Variants in NUP62CL observed in about 807,000 individuals in gnomAD.
NUP62CL encodes nucleoporin 62 C-terminal like.
A neutral mutation model predicts 15.3 loss-of-function variants in NUP62CL; 13 were observed. The ratio of observed to expected loss-of-function variants is 0.85; its 90% confidence interval spans 0.55 to 1.35. The LOEUF (loss-of-function observed/expected upper bound fraction) is 1.35. Ranked by LOEUF, NUP62CL falls within the 40% of genes most tolerant of loss-of-function variation. NUP62CL has a pLI of 0.00. For missense variants in NUP62CL, 123 were observed against 130.6 expected, an observed-to-expected ratio of 0.94 and a Z score of 0.28; for synonymous variants, 54 against 49.2, an observed-to-expected ratio of 1.10 and a Z score of -0.41.
intron 1 of NUP62CL, among the ~76,000 whole-genome samples, chrX:107,196,072 A>AT (rs74502030): frequency 3.4e-4 from 38 of 110,983 alleles, no homozygotes; most frequent in East Asian, 1.1e-3. Flanking sequence ...CAAAAGGTGG[A>AT]TTTTTTTTCC....
chrX:107,133,721 C>T (rs1236900083), intron 8 of NUP62CL, among the ~76,000 whole-genome samples: 5 of 112,166 alleles, frequency 4.5e-5, no homozygotes, highest in Admixed American at 9.3e-5. Context: ...GGGTGGATCA[C>T]GAGGTCAGGA....
chrX:107,192,650 G>A (rs372955310), intron 2 of NUP62CL, among the ~76,000 whole-genome samples: 1 of 111,829 alleles, frequency 8.9e-6, no homozygotes, highest in Admixed American at 9.4e-5. Flanking sequence ...CAAAGTGCTG[G>A]GATTACAAGC....
At chrX:107,196,690 T>C (rs1365995070) in intron 1 of NUP62CL, among the ~76,000 whole-genome samples, 1 of 111,972 alleles carries the variant, frequency 8.9e-6, no homozygotes, top group Non-Finnish European at 1.9e-5. Context: ...CCTCAGGTGA[T>C]CCACCCGCCT....
At chrX:107,201,368 T>C (rs1927480689) in intron 1 of NUP62CL, among the ~76,000 whole-genome samples, 1 of 110,773 alleles carries the variant, frequency 9.0e-6, no homozygotes, top group Non-Finnish European at 1.9e-5. Context: ...TCCTCCCTCC[T>C]CCAGCCCCTG....
chrX:107,199,514 A>G (rs1039057608), intron 1 of NUP62CL, among the ~76,000 whole-genome samples: 2 of 112,331 alleles, frequency 1.8e-5, no homozygotes, highest in African/African-American at 6.5e-5. Flanking sequence ...TCAAGAGGTG[A>G]CCAGCACAGA....
intron 8 of NUP62CL, among the ~76,000 whole-genome samples, chrX:107,142,562 T>C (rs1297816427): frequency 1.8e-5 from 2 of 112,120 alleles, no homozygotes; most frequent in Non-Finnish European, 3.8e-5. Flanking sequence ...CAGTGAACTT[T>C]CAAATAATTA....
intron 5 of NUP62CL, 146 bp from the exon 6 acceptor site, chrX:107,153,649 G>A: frequency 4.8e-6 from 2 of 418,778 alleles, no homozygotes; most frequent in Non-Finnish European, 8.1e-6. Context: ...TATACTTTGA[G>A]CTGCTCACCA....
intron 8 of NUP62CL, among the ~76,000 whole-genome samples, chrX:107,133,671 T>C (rs1925572416): frequency 8.9e-6 from 1 of 112,778 alleles, no homozygotes; most frequent in African/African-American, 3.2e-5. Context: ...CCGGGCGCAG[T>C]GGCTCACGCC....
rs1365856726 is a variant in NUP62CL, at chrX:107,156,472, C to T, written c.195-2226G>A. Among the ~76,000 whole-genome samples the T allele has an allele frequency of 5.6e-5, 6 of 106,673 alleles. No homozygotes were observed. In the Admixed American group the frequency reaches 6.0e-4, roughly 11 times the overall value. The allele number at this position is 106,673 out of a possible 115,157, so 92.6% of individuals were successfully genotyped here. On this transcript the variant is annotated intron_variant, in intron 4 of 8. Coordinates refer to ENST00000372466, the MANE Select transcript of NUP62CL (RefSeq NM_017681.3). ...TGCCTCCTCAAGTGGGTCCCTGACC[C>T]CTGATCCCCGAGCAGCCTAACTGGG... is the stretch of plus-strand genomic sequence containing the variant.
At chrX:107,173,072 A>G (rs1926688017) in intron 3 of NUP62CL, among the ~76,000 whole-genome samples, 2 of 112,213 alleles carry the variant, frequency 1.8e-5, no homozygotes, top group African/African-American at 3.2e-5. Flanking sequence ...TCCCAAGGTT[A>G]TAATATCAAG....
chrX:107,158,208 TAG>T (rs1432878161), intron 4 of NUP62CL, among the ~76,000 whole-genome samples: 1 of 62,674 alleles, frequency 1.6e-5, no homozygotes, highest in Non-Finnish European at 2.7e-5. Context: ...CTGTCAACAT[TAG>T]ACAGATCAAC....
chrX:107,177,054 G>C (rs1926803904), intron 2 of NUP62CL, among the ~76,000 whole-genome samples: 1 of 111,169 alleles, frequency 9.0e-6, no homozygotes, highest in African/African-American at 3.3e-5. Context: ...ACATGATCAC[G>C]AATACAGAAA....
chrX:107,173,176 G>C (rs1482099279), intron 3 of NUP62CL, among the ~76,000 whole-genome samples: 1 of 112,101 alleles, frequency 8.9e-6, no homozygotes, highest in East Asian at 2.8e-4. Flanking sequence ...AATTTATATA[G>C]TCTTTTTCAT....
At position 107,123,540 on chromosome X, in the gene NUP62CL, C is replaced by G. The variant is rs1168331043; in HGVS notation, c.*835G>C. 9.1e-6 allele frequency: 1 copy of G among 109,348 alleles called. No individual in the cohort carries two copies. The highest frequency in any genetic ancestry group is 1.9e-5 in the Non-Finnish European group (1 of 52,560). 9.0% of individuals were successfully genotyped at this position (109,348 alleles called of 1,213,427 possible). On this transcript the variant is annotated 3_prime_UTR_variant, in exon 9 of 9. Coordinates refer to ENST00000372466, the MANE Select transcript of NUP62CL (RefSeq NM_017681.3). ...ATGAAACACAGGAGACCAGACTGTT[C>G]CAAACCTAAGAACAAGGCTTATTTA...
chrX:107,176,691 T>C (rs1174456131), intron 2 of NUP62CL, among the ~76,000 whole-genome samples: 1 of 110,867 alleles, frequency 9.0e-6, no homozygotes, highest in Non-Finnish European at 1.9e-5. Context: ...ATGTGAATTA[T>C]ACCTCAATTA....
intron 3 of NUP62CL, among the ~76,000 whole-genome samples, chrX:107,173,899 A>T (rs1217531529): frequency 9.0e-6 from 1 of 111,133 alleles, no homozygotes; most frequent in Non-Finnish European, 1.9e-5. Context: ...TACAGCTAGG[A>T]TTACAACAAA....
At chrX:107,176,513 G>A (rs866187426) in intron 2 of NUP62CL, among the ~76,000 whole-genome samples, 40 of 109,056 alleles carry the variant, frequency 3.7e-4, no homozygotes, top group African/African-American at 1.2e-3. Flanking sequence ...ATTCCCAGGG[G>A]CTGGGAGGAA....
At chrX:107,152,151 G>GATATATATATATATATTCAGAT (rs1569357196) in intron 7 of NUP62CL, among the ~76,000 whole-genome samples, 24 of 42,835 alleles carry the variant, frequency 5.6e-4, no homozygotes, top group African/African-American at 2.3e-3. Flanking sequence ...TATATATTCA[G>GATATATATATATATATTCAGAT]ATATATATAT....
chrX:107,167,920 C>G, intron 3 of NUP62CL, 136 bp from the exon 4 acceptor site: 1 of 512,424 alleles, frequency 2.0e-6, no homozygotes. Flanking sequence ...TTGAATTCAA[C>G]ACTGTTGTAA....
Sources: gnomAD v4.1 joint callset for allele counts (sites outside exome capture counted in the v4.1 genomes callset) on GRCh38, gnomAD v4.1.1 for gene constraint, MANE v1.5 for transcripts, NCBI Gene and HGNC (gene_info 2026-07-23, HGNC 2026-07-21) for gene names.